Variants in LTBP2 observed in about 807,000 individuals in gnomAD.
LTBP2 encodes latent-transforming growth factor beta-binding protein 2.
Under a neutral mutation model 210.6 loss-of-function variants are expected in LTBP2, and 103 were observed. That is an observed-to-expected ratio of 0.49 (90% CI 0.42 to 0.58). The LOEUF is 0.58. Among genes scored for constraint, LTBP2 ranks in the 20% least tolerant of loss-of-function variants. The pLI is 0.00. For missense variants in LTBP2, 2,313 were observed against 2,494.5 expected, an observed-to-expected ratio of 0.93 and a Z score of 1.55; for synonymous variants, 1,007 against 1,015.0, an observed-to-expected ratio of 0.99 and a Z score of 0.15.
chr14:74,604,929 G>A (rs567549088), intron 1 of LTBP2, among the ~76,000 whole-genome samples: 18 of 152,292 alleles, frequency 1.2e-4, no homozygotes, highest in African/African-American at 4.3e-4. Context: ...TTTCCACCCG[G>A]CCCTGACTCT....
intron 18 of LTBP2, among the ~76,000 whole-genome samples, chr14:74,513,014 G>A (rs886393648): frequency 2.6e-5 from 4 of 152,222 alleles, no homozygotes; most frequent in African/African-American, 9.6e-5. Flanking sequence ...ATCTCTTCCA[G>A]GATGAAGAGA....
intron 3 of LTBP2, among the ~76,000 whole-genome samples, chr14:74,564,273 T>A (rs369429873): frequency 0.013 from 78 of 6,030 alleles, no homozygotes; most frequent in Non-Finnish European, 0.021. Context: ...TTATATATAT[T>A]TATATATATA....
At chr14:74,549,725 A>T in intron 8 of LTBP2, 138 bp downstream of exon 8, 1 of 772,514 alleles carries the variant, frequency 1.3e-6, no homozygotes, top group Non-Finnish European at 2.4e-6. Flanking sequence ...CCTTCAAGGC[A>T]GGTCTGGGAA....
chr14:74,507,436 C>A (rs2087006327), intron 25 of LTBP2, 126 bp from the exon 26 acceptor site: 1 of 1,296,104 alleles, frequency 7.7e-7, no homozygotes, highest in Non-Finnish European at 1.1e-6. Context: ...TCATCCCAAC[C>A]CCAGCACATC....
At chr14:74,509,048 G>A (rs1022939122) in intron 22 of LTBP2, 96 bp from the exon 23 acceptor site, 9 of 1,585,992 alleles carry the variant, frequency 5.7e-6, no homozygotes, top group Non-Finnish European at 7.7e-6. Flanking sequence ...TCACCTGCCT[G>A]CAGAGCTGGA....
intron 10 of LTBP2, among the ~76,000 whole-genome samples, chr14:74,531,767 G>C (rs755326776): frequency 3.3e-5 from 5 of 152,228 alleles, no homozygotes; most frequent in African/African-American, 4.8e-5. Flanking sequence ...CAGGCCTCCC[G>C]GCCCAGGGAA....
chr14:74,537,855 A>G (rs1359012203), intron 8 of LTBP2, among the ~76,000 whole-genome samples: 1 of 152,128 alleles, frequency 6.6e-6, no homozygotes, highest in African/African-American at 2.4e-5. Context: ...CCTGGGTTCA[A>G]GTAATTCTCC....
intron 2 of LTBP2, among the ~76,000 whole-genome samples, chr14:74,602,613 G>T (rs1239672113): frequency 6.6e-6 from 1 of 152,186 alleles, no homozygotes; most frequent in Admixed American, 6.5e-5. Flanking sequence ...CCGCCACAGA[G>T]GATGTTTAAA....
At chr14:74,512,039 C>T (rs189876048) in intron 18 of LTBP2, among the ~76,000 whole-genome samples, 2 of 152,312 alleles carry the variant, frequency 1.3e-5, no homozygotes, top group East Asian at 3.9e-4. Flanking sequence ...CAAATGGACA[C>T]CCAGGGGACG....
intron 13 of LTBP2, 124 bp downstream of exon 13, chr14:74,527,223 C>T: frequency 7.9e-7 from 1 of 1,264,410 alleles, no homozygotes; most frequent in Non-Finnish European, 1.1e-6. Context: ...CAAGTAAAAT[C>T]TAACAGATAC....
chr14:74,509,762 C>A lies in LTBP2; in HGVS notation c.3249G>T (p.Trp1083Cys). ...FACSACENGY[W>C]VNEDGTACED... is the part of the protein sequence containing the mutation. ...CACAGGCAGTGCCGTCTTCATTCAC[C>A]CAGTACCCGTTCTCACAGGCAGAGC... Residue 1083 changes from tryptophan to cysteine, a missense_variant, in exon 21 of 36, where the codon TGG becomes TGT. Coordinates refer to ENST00000261978, the MANE Select transcript of LTBP2 (RefSeq NM_000428.3). The A allele has an allele frequency of 6.2e-7, 1 of 1,614,104 alleles. No individual in the cohort carries two copies. Among genetic ancestry groups the A allele is most frequent in the Middle Eastern group, 1.6e-4 (1 of 6,062 alleles).
chr14:74,611,376 C>T (rs1056621369), intron 1 of LTBP2, 75 bp downstream of exon 1: 3 of 1,393,762 alleles, frequency 2.2e-6, no homozygotes, highest in Non-Finnish European at 2.8e-6. Flanking sequence ...GCCCTCTCCT[C>T]TCGCCTGCAC....
At chr14:74,522,739 G>A (rs1189996596) in intron 16 of LTBP2, 51 bp downstream of exon 16, 1 of 1,576,112 alleles carries the variant, frequency 6.3e-7, no homozygotes, top group South Asian at 1.2e-5. Context: ...CTTAGCCCCT[G>A]CTCCCATCTA....
At chr14:74,562,879 ATCT>A (rs1375431052) in intron 3 of LTBP2, among the ~76,000 whole-genome samples, 1 of 152,168 alleles carries the variant, frequency 6.6e-6, no homozygotes, top group Admixed American at 6.5e-5. Flanking sequence ...ATCCCAATGC[ATCT>A]GTGCTTTGAC....
chr14:74,610,892 C>T (rs2088595973), intron 1 of LTBP2, among the ~76,000 whole-genome samples: 1 of 152,362 alleles, frequency 6.6e-6, no homozygotes, highest in Non-Finnish European at 1.5e-5. Flanking sequence ...CTCACGCCCA[C>T]GCCCGCATCC....
In LTBP2 at chr14:74,506,133, CA is replaced by C; in HGVS notation, c.4091del (p.Val1364GlyfsTer127). 1 of 1,614,228 alleles carries C rather than the reference CA, an allele frequency of 6.2e-7. No homozygotes were observed. ...AVCGAALCEN[V>X]EGSFLCLCAS... ...CACAGAGGCACAGGAAGGAGCCCTC[CA>C]CGTTCTCACAGAGCGCGGCCCCACA... On this transcript the variant is annotated frameshift_variant, in exon 28 of 36. Coordinates refer to ENST00000261978, the MANE Select transcript of LTBP2 (RefSeq NM_000428.3). LOFTEE classifies it high-confidence loss of function.
At chr14:74,543,601 C>G (rs375058320) in intron 8 of LTBP2, among the ~76,000 whole-genome samples, 1 of 151,938 alleles carries the variant, frequency 6.6e-6, no homozygotes, top group African/African-American at 2.4e-5. Context: ...GGCATGCTGG[C>G]CCACTGTCCC....
chr14:74,509,646 G>T, intron 21 of LTBP2, 88 bp downstream of exon 21: 1 of 1,584,554 alleles, frequency 6.3e-7, no homozygotes, highest in Non-Finnish European at 8.6e-7. Context: ...CTCGGCATCA[G>T]CCCCAAACTG....
In LTBP2 at chr14:74,596,301, G is replaced by T. The variant is rs562416659; in HGVS notation, c.565+7334C>A. ...AAAGAAGTGGAGCAGAACTTGGTACGTGAGGGATGGAGGAGACAGTCGAGG... is the reference window on the plus strand; with the variant it reads ...AAAGAAGTGGAGCAGAACTTGGTACTTGAGGGATGGAGGAGACAGTCGAGG... On this transcript the variant is annotated intron_variant, in intron 2 of 35. Coordinates refer to ENST00000261978, the MANE Select transcript of LTBP2 (RefSeq NM_000428.3). Among the ~76,000 whole-genome samples the T allele has an allele frequency of 3.0e-4, 45 of 152,216 alleles. No individual in the cohort carries two copies. The South Asian group carries it at 9.1e-3, about 31-fold the overall frequency.
Sources: allele counts gnomAD v4.1 joint callset (sites outside exome capture counted in the v4.1 genomes callset), GRCh38; gene constraint gnomAD v4.1.1; transcripts MANE v1.5; gene names NCBI Gene and HGNC (gene_info 2026-07-23, HGNC 2026-07-21).